VPS41: variants seen among roughly 807,000 people sequenced by gnomAD.
VPS41 encodes the protein VPS41 subunit of HOPS complex.
A neutral mutation model predicts 130.9 loss-of-function variants in VPS41; 85 were observed. The ratio of observed to expected loss-of-function variants is 0.65; its 90% CI spans 0.55 to 0.78. The LOEUF is 0.78. VPS41 is among the 30% of genes least tolerant of loss of function. The probability of loss-of-function intolerance (pLI) is 0.00; values close to 1 mark genes in which losing one functional copy is unlikely to be tolerated. For missense variants in VPS41, 874 were observed against 1,018.7 expected, an observed-to-expected ratio of 0.86 and a Z score of 1.93; for synonymous variants, 335 against 332.9, an observed-to-expected ratio of 1.01 and a Z score of -0.07.
intron 2 of VPS41, among the ~76,000 whole-genome samples, chr7:38,878,119 T>C (rs761632668): frequency 2.6e-4 from 40 of 152,062 alleles, no homozygotes; most frequent in Non-Finnish European, 4.7e-4. Context: ...CCTTAAGCAG[T>C]GCAGGACCAA....
chr7:38,743,609 G>A (rs1795928120), intron 23 of VPS41, 67 bp from the exon 24 acceptor site: 3 of 1,551,776 alleles, frequency 1.9e-6, no homozygotes, highest in East Asian at 2.3e-5. Context: ...TAAAGAAATT[G>A]CATATCTCTT....
intron 6 of VPS41, among the ~76,000 whole-genome samples, chr7:38,818,249 CAAA>C (rs11421525): frequency 7.7e-6 from 1 of 130,336 alleles, no homozygotes; most frequent in African/African-American, 2.9e-5. Flanking sequence ...GAAAACAAAA[CAAA>C]AAAAAAAAAA....
chr7:38,747,689 A>C (rs1297124583), intron 22 of VPS41, among the ~76,000 whole-genome samples: 2 of 152,212 alleles, frequency 1.3e-5, no homozygotes, highest in Non-Finnish European at 2.9e-5. Flanking sequence ...TGTCTATTTA[A>C]GTTTAAATTG....
At chr7:38,888,028 A>G (rs1264700219) in intron 2 of VPS41, among the ~76,000 whole-genome samples, 2 of 152,242 alleles carry the variant, frequency 1.3e-5, no homozygotes, top group African/African-American at 4.8e-5. Flanking sequence ...TCCTGAAGGA[A>G]GCACTAGACG....
At chr7:38,831,930 G>A (rs150837705) in intron 4 of VPS41, among the ~76,000 whole-genome samples, 123 of 152,062 alleles carry the variant, frequency 8.1e-4, no homozygotes, top group East Asian at 5.8e-3. Context: ...CATTATGGGG[G>A]AAAAAAATCA....
intron 14 of VPS41, among the ~76,000 whole-genome samples, chr7:38,770,830 T>C (rs1784139415): frequency 6.6e-6 from 1 of 152,216 alleles, no homozygotes; most frequent in Non-Finnish European, 1.5e-5. Context: ...GAGTCTGTTA[T>C]TATGGAAACA....
rs1347608971 is a variant in VPS41, at chr7:38,855,360, T to A, written c.246+7185A>T. Among the ~76,000 whole-genome samples, 4 of 151,728 alleles carry A rather than the reference T, an allele frequency of 2.6e-5. No homozygotes were observed. The East Asian group carries it at 7.7e-4, about 29-fold the overall frequency. ...TTTTGCTGAAACATGAAAAAAGAGA[T>A]GGGTGATCCTCCAGACACTCATACA... On this transcript the variant is annotated intron_variant, in intron 4 of 28. Coordinates refer to ENST00000310301, the MANE Select transcript of VPS41 (RefSeq NM_014396.4).
chr7:38,895,864 C>T (rs1786976292), intron 2 of VPS41, among the ~76,000 whole-genome samples: 1 of 152,148 alleles, frequency 6.6e-6, no homozygotes, highest in African/African-American at 2.4e-5. Context: ...CTCAGATCTC[C>T]CCACTAAGAA....
chr7:38,835,318 T>C (rs1296300379), intron 4 of VPS41, among the ~76,000 whole-genome samples: 3 of 152,016 alleles, frequency 2.0e-5, no homozygotes, highest in African/African-American at 7.2e-5. Context: ...CATCTTGTAA[T>C]TTCCAGACAT....
At chr7:38,744,265 A>C (rs577097011) in intron 23 of VPS41, among the ~76,000 whole-genome samples, 8 of 152,288 alleles carry the variant, frequency 5.3e-5, no homozygotes, top group Admixed American at 3.3e-4. Context: ...GCATGTAAGA[A>C]AGCCTTACTC....
In VPS41 at chr7:38,726,345, AAC is replaced by A. The variant is rs1283987944; in HGVS notation, c.2485-21_2485-20del. 1 of 1,586,362 alleles carries A rather than the reference AAC, an allele frequency of 6.3e-7. No individual in the cohort carries two copies. The highest frequency in any genetic ancestry group is 2.2e-5 in the East Asian group (1 of 44,682). ...CAGAGTTCTAAAAATGCAATTTAAA[AAC>A]ACATATTTAAAAAATGATCTTCTTT... On this transcript the variant is annotated intron_variant, in intron 28 of 28. Coordinates refer to ENST00000310301, the MANE Select transcript of VPS41 (RefSeq NM_014396.4).
intron 2 of VPS41, among the ~76,000 whole-genome samples, chr7:38,885,246 TG>T (rs1193715505): frequency 1.3e-5 from 2 of 152,166 alleles, no homozygotes; most frequent in African/African-American, 4.8e-5. Flanking sequence ...GCTGATTTTT[TG>T]TATTTTTAGT....
In VPS41 at chr7:38,795,470, C is replaced by T. The variant is rs756453901; in HGVS notation, c.712G>A (p.Val238Ile). 6.2e-6 allele frequency: 10 copies of T among 1,610,476 alleles called. No individual in the cohort carries two copies. The Admixed American group carries it at 1.5e-4, about 24-fold the overall frequency. ...VTLIIGWGTS[V>I]KVCSVKERHA... is the part of the protein sequence containing the mutation. ...ATAAAGACAAGCAAAACCACCTTGA[C>T]AGAAGTCCCCCAGCCAATAATCAGT... is the stretch of plus-strand genomic sequence containing the variant. Residue 238 changes from valine (V) to isoleucine (I), a missense_variant, in exon 9 of 29, where the codon GTC (valine) becomes ATC (isoleucine). Coordinates refer to ENST00000310301, the MANE Select transcript of VPS41 (RefSeq NM_014396.4).
chr7:38,872,607 A>C (rs1030163398), intron 2 of VPS41, among the ~76,000 whole-genome samples: 27 of 152,240 alleles, frequency 1.8e-4, no homozygotes, highest in African/African-American at 6.0e-4. Context: ...AACTAATAGC[A>C]ACAAAAGGGA....
intron 11 of VPS41, among the ~76,000 whole-genome samples, chr7:38,774,466 T>C (rs1404477218): frequency 6.6e-6 from 1 of 151,708 alleles, no homozygotes; most frequent in Non-Finnish European, 1.5e-5. Flanking sequence ...AAAAATAAAA[T>C]AGCAACTATA....
At chr7:38,860,743 G>GTGTGTGT (rs1190552274) in intron 4 of VPS41, among the ~76,000 whole-genome samples, 1 of 131,166 alleles carries the variant, frequency 7.6e-6, no homozygotes, top group African/African-American at 2.8e-5. Context: ...GTGTGTGTGT[G>GTGTGTGT]GACATACGCA....
intron 2 of VPS41, among the ~76,000 whole-genome samples, chr7:38,871,790 G>A (rs1204414453): frequency 2.6e-5 from 4 of 152,104 alleles, no homozygotes; most frequent in Non-Finnish European, 4.4e-5. Context: ...CTATTGTTGT[G>A]TAACAAATTA....
At chr7:38,782,161 G>GTCTC (rs545291179) in intron 10 of VPS41, among the ~76,000 whole-genome samples, 65 of 152,308 alleles carry the variant, frequency 4.3e-4, no homozygotes, top group Non-Finnish European at 7.2e-4. Flanking sequence ...TCCCAGCAGT[G>GTCTC]TCTCCTCAGT....
intron 4 of VPS41, among the ~76,000 whole-genome samples, chr7:38,832,405 G>A (rs1298957893): frequency 3.5e-5 from 5 of 141,298 alleles, no homozygotes; most frequent in Admixed American, 7.5e-5. Flanking sequence ...CTGCAACCTC[G>A]CCTCCCGGGT....
Sources: allele counts gnomAD v4.1 joint callset (sites outside exome capture counted in the v4.1 genomes callset), GRCh38; gene constraint gnomAD v4.1.1; transcripts MANE v1.5; gene names NCBI Gene and HGNC (gene_info 2026-07-23, HGNC 2026-07-21).